The following PRKCE variants were observed in gnomAD, a reference collection of about 807,000 sequenced individuals.
The protein encoded by PRKCE is protein kinase C epsilon, also known as protein kinase C epsilon type.
PRKCE carries 16 observed loss-of-function variants against 85.4 expected under a neutral mutation model. The observed-to-expected ratio is 0.19, with a 90% confidence interval of 0.13 to 0.28. The LOEUF (loss-of-function observed/expected upper bound fraction) is 0.28. Ranked by LOEUF, PRKCE falls within the 10% of genes least tolerant of loss-of-function variation. The pLI is 1.00. For missense variants in PRKCE, 573 were observed against 975.2 expected (o/e 0.59, Z 5.49); for synonymous variants, 388 against 371.5 (o/e 1.04, Z -0.51).
chr2:45,824,994 T>G (rs761046166), intron 1 of PRKCE, among the ~76,000 whole-genome samples: 3 of 152,224 alleles, frequency 2.0e-5, no homozygotes, highest in African/African-American at 4.8e-5. Context: ...AAGGTTCTGC[T>G]GAACGTGGGT....
At chr2:45,980,510 A>G in intron 5 of PRKCE, 129 bp downstream of exon 5, 1 of 867,654 alleles carries the variant, frequency 1.2e-6, no homozygotes, top group Middle Eastern at 2.4e-4. Context: ...TGATAAAAAA[A>G]CAAAGGGAGC....
chr2:46,062,704 C>T (rs1351510296), intron 10 of PRKCE, among the ~76,000 whole-genome samples: 2 of 105,030 alleles, frequency 1.9e-5, no homozygotes, highest in African/African-American at 7.8e-5. Context: ...GAGATGGTCT[C>T]GCTCAGTGGC....
intron 11 of PRKCE, among the ~76,000 whole-genome samples, chr2:46,112,492 GTT>G (rs58558782): frequency 1.1e-4 from 14 of 128,806 alleles, no homozygotes; most frequent in Non-Finnish European, 2.2e-4. Flanking sequence ...TGTTTTTTTG[GTT>G]TTTTTTTTGT....
At chr2:46,173,775 C>T (rs913243601) in intron 14 of PRKCE, among the ~76,000 whole-genome samples, 4 of 152,162 alleles carry the variant, frequency 2.6e-5, no homozygotes, top group Non-Finnish European at 5.9e-5. Context: ...GTCTATAGAC[C>T]CCAGCTAATT....
intron 10 of PRKCE, among the ~76,000 whole-genome samples, chr2:46,019,075 T>G (rs759382442): frequency 1.3e-5 from 2 of 152,276 alleles, no homozygotes; most frequent in South Asian, 4.1e-4. Flanking sequence ...GGCATTGACA[T>G]AATGCAAACT....
chr2:46,177,109 G>A (rs562442768), intron 14 of PRKCE, among the ~76,000 whole-genome samples: 64 of 152,186 alleles, frequency 4.2e-4, no homozygotes, highest in Non-Finnish European at 7.2e-4. Context: ...AAAGGATTAC[G>A]TTTGGATTTT....
intron 1 of PRKCE, among the ~76,000 whole-genome samples, chr2:45,731,988 A>AT (rs2104556439): frequency 6.6e-6 from 1 of 152,166 alleles, no homozygotes; most frequent in African/African-American, 2.4e-5. Flanking sequence ...ACAGAACTCC[A>AT]TTTTCACTGT....
chr2:46,064,971 AAGAAG>A (rs1667493942), intron 10 of PRKCE, among the ~76,000 whole-genome samples: 1 of 152,194 alleles, frequency 6.6e-6, no homozygotes, highest in South Asian at 2.1e-4. Context: ...TTTCAACTAG[AAGAAG>A]AGAAATTTTT....
rs565809796 is a variant in PRKCE at position 46,159,583 on chromosome 2, C to T, written c.1921-23C>T. 71 of 1,566,516 alleles carry T rather than the reference C, an allele frequency of 4.5e-5. No individual in the cohort carries two copies. Among genetic ancestry groups the T allele is most frequent in the Admixed American group, 3.1e-4 (17 of 54,344 alleles). ...CTGGCCAGGCCTTTGTCACTAATTCCGACTCTGTCCTCATCCCTGCAGTTC... is the reference window on the plus strand; with the variant it reads ...CTGGCCAGGCCTTTGTCACTAATTCTGACTCTGTCCTCATCCCTGCAGTTC... On this transcript the variant is annotated intron_variant, in intron 13 of 14. Transcript: ENST00000306156. The surrounding 1 kb of genome is among the most constrained non-coding windows in gnomAD (Gnocchi z 4.1).
At chr2:45,793,870 A>G (rs12476798) in intron 1 of PRKCE, among the ~76,000 whole-genome samples, 6,579 of 152,294 alleles carry the variant, frequency 0.043, 210 homozygotes, top group Non-Finnish European at 0.067. Flanking sequence ...GCCAGGAACA[A>G]AGGACTCTGA....
intron 2 of PRKCE, among the ~76,000 whole-genome samples, chr2:45,885,764 C>A (rs925624910): frequency 6.6e-6 from 1 of 152,316 alleles, no homozygotes; most frequent in East Asian, 1.9e-4. Flanking sequence ...AAAATGGTTT[C>A]TCTTACAGTT....
intron 2 of PRKCE, among the ~76,000 whole-genome samples, chr2:45,883,469 G>T (rs1322896930): frequency 6.6e-6 from 1 of 152,212 alleles, no homozygotes; most frequent in East Asian, 1.9e-4. Flanking sequence ...GGCTCCTAGA[G>T]GTGAGTTCCC....
chr2:45,760,321 G>C (rs911974459), intron 1 of PRKCE, among the ~76,000 whole-genome samples: 3 of 152,254 alleles, frequency 2.0e-5, no homozygotes, highest in African/African-American at 7.2e-5. Context: ...TTGAGCACTG[G>C]ATTTGGTTTT....
chr2:45,751,433 C>T lies in PRKCE; in HGVS notation c.349-91567C>T, dbSNP rs111848795. On this transcript the variant is annotated intron_variant, in intron 1 of 14. Transcript: ENST00000306156. Reference sequence around the variant, plus strand: ...GCTGCAAATTCCTTGAAAACAGGGCCGTGTCTTGTTAATCTCTGATCCCTA... The same window carrying T: ...GCTGCAAATTCCTTGAAAACAGGGCTGTGTCTTGTTAATCTCTGATCCCTA... 3.7e-3 allele frequency among the ~76,000 whole-genome samples: 558 copies of T among 152,242 alleles called. 3 individuals carry two copies. Among genetic ancestry groups the T allele is most frequent in the Non-Finnish European group, 4.8e-3 (325 of 68,032 alleles).
chr2:45,673,220 T>C (rs1018046100), intron 1 of PRKCE, among the ~76,000 whole-genome samples: 5 of 152,222 alleles, frequency 3.3e-5, no homozygotes, highest in African/African-American at 1.2e-4. Context: ...CCTTTCAAGT[T>C]GTAACTCTTC....
In PRKCE at chr2:45,745,413, C is replaced by T. The variant is rs1298517124; in HGVS notation, c.348+92965C>T. 2.0e-5 allele frequency among the ~76,000 whole-genome samples: 3 copies of T among 152,282 alleles called. No homozygotes were observed. In the East Asian group the frequency reaches 5.8e-4, roughly 29 times the overall value. On this transcript the variant is annotated intron_variant, in intron 1 of 14. Transcript: ENST00000306156. The stretch of plus-strand genomic sequence containing the variant: ...TCTGCTCTGTTGTGCTTCGCTTTCT[C>T]ATCCCTGTTCTCAACAACATTTCGT...
At chr2:45,763,606 T>A (rs1012333728) in intron 1 of PRKCE, among the ~76,000 whole-genome samples, 1 of 151,940 alleles carries the variant, frequency 6.6e-6, no homozygotes, top group African/African-American at 2.4e-5. Flanking sequence ...TAATACTCAG[T>A]GTAGGGCTTG....
chr2:45,833,910 T>C lies in PRKCE; in HGVS notation c.349-9090T>C, dbSNP rs150693809. Among the ~76,000 whole-genome samples the C allele has an allele frequency of 2.4e-3, 372 of 152,356 alleles. 3 individuals carry two copies. The highest frequency in any genetic ancestry group is 8.4e-3 in the African/African-American group (351 of 41,596). Reference sequence around the variant, plus strand: ...TCATGTACTGCCATTTCTCTCAAAGTAGACAGGCAGACTGTGCTGTGAGCA... The same window carrying C: ...TCATGTACTGCCATTTCTCTCAAAGCAGACAGGCAGACTGTGCTGTGAGCA... On this transcript the variant is annotated intron_variant, in intron 1 of 14. Coordinates refer to ENST00000306156, the MANE Select transcript of PRKCE (RefSeq NM_005400.3).
chr2:45,984,830 G>A (rs192449558), intron 6 of PRKCE, 150 bp downstream of exon 6: 35 of 1,162,692 alleles, frequency 3.0e-5, no homozygotes, highest in Non-Finnish European at 4.0e-5. Flanking sequence ...TAGTAACTCT[G>A]TGCATTTGGT....
Sources: allele counts gnomAD v4.1 joint callset (sites outside exome capture counted in the v4.1 genomes callset), GRCh38; gene constraint gnomAD v4.1.1; non-coding constraint Gnocchi (gnomAD v3.1); transcripts MANE v1.5; gene names NCBI Gene and HGNC (gene_info 2026-07-23, HGNC 2026-07-21).